The following P2RX3 variants were observed in gnomAD, a reference collection of about 807,000 sequenced individuals.
P2RX3 encodes the protein purinergic receptor P2X 3.
In P2RX3, 41 loss-of-function variants were observed where a neutral mutation model predicts 51.5. The observed-to-expected ratio is 0.80, with a 90% CI of 0.62 to 1.03. The LOEUF (loss-of-function observed/expected upper bound fraction) is 1.03. Among genes scored for constraint, P2RX3 ranks in the 50% least tolerant of loss-of-function variants. The pLI is 0.00. For synonymous variants in P2RX3, 185 were observed against 191.6 expected, an observed-to-expected ratio of 0.97 and a Z score of 0.29; for missense variants, 459 against 522.1, an observed-to-expected ratio of 0.88 and a Z score of 1.18.
intron 10 of P2RX3, 32 bp from the exon 11 acceptor site, chr11:57,369,324 GCACCC>G (rs1856845112): frequency 1.3e-6 from 2 of 1,595,654 alleles, no homozygotes; most frequent in Admixed American, 1.7e-5. Context: ...CCAACCCAGG[GCACCC>G]CTCGGAGCCC....
chr11:57,368,486 G>T (rs191093674), intron 10 of P2RX3, 49 bp downstream of exon 10: 1 of 1,597,372 alleles, frequency 6.3e-7, no homozygotes, highest in East Asian at 2.2e-5. Flanking sequence ...AGTGGGGCCC[G>T]GACTGGTACC....
In P2RX3 at chr11:57,349,261, G is replaced by A. The variant is rs1344914602; in HGVS notation, c.564-496G>A. 4.0e-5 allele frequency among the ~76,000 whole-genome samples: 6 copies of A among 148,748 alleles called. No homozygotes were observed. The South Asian group carries it at 6.4e-4, about 16-fold the overall frequency. ...GTGGATCACGAGGTCAGGAGTTTGC[G>A]ACCAGCCTGGCCAACATGGTGAAAC... On this transcript the variant is annotated intron_variant, in intron 6 of 11. Transcript: ENST00000263314.
chr11:57,350,846 C>A lies in P2RX3; in HGVS notation c.790C>A (p.Arg264=), dbSNP rs569579682. Residue 264 remains arginine (R), a synonymous_variant, in exon 8 of 12, where the codon CGG becomes AGG. Transcript: ENST00000263314. ...GTGCATCCCCAAATACTCCTTCACC[C>A]GGCTCGACAGCGTTTCTGAGAAAAG... is the stretch of plus-strand genomic sequence containing the variant. ...DQCIPKYSFT[R]LDSVSEKSSV... is the part of the protein sequence containing the mutation. The A allele has an allele frequency of 2.7e-5, 44 of 1,614,134 alleles. No homozygotes were observed. In the South Asian group the frequency reaches 4.7e-4, roughly 17 times the overall value.
At chr11:57,344,091 G>A (rs994981616) in intron 1 of P2RX3, among the ~76,000 whole-genome samples, 4 of 152,204 alleles carry the variant, frequency 2.6e-5, no homozygotes, top group Non-Finnish European at 5.9e-5. Context: ...CATAGAAGGC[G>A]GTATGCATGA....
At chr11:57,350,982 T>C (rs1235819119) in intron 8 of P2RX3, 84 bp downstream of exon 8, 99 of 1,580,680 alleles carry the variant, frequency 6.3e-5, no homozygotes, top group Non-Finnish European at 7.9e-5. Flanking sequence ...AGATCCCACA[T>C]CCATCCACCC....
chr11:57,344,359 A>G (rs1251112283), intron 1 of P2RX3, among the ~76,000 whole-genome samples: 1 of 152,250 alleles, frequency 6.6e-6, no homozygotes, highest in African/African-American at 2.4e-5. Context: ...AGGCATATCA[A>G]AACACCCACA....
intron 8 of P2RX3, among the ~76,000 whole-genome samples, chr11:57,355,307 G>T (rs2134430768): frequency 1.3e-5 from 2 of 149,310 alleles, no homozygotes; most frequent in East Asian, 4.0e-4. Context: ...TCACAGGCAA[G>T]TTCTCTTCTT....
rs777101560 is a variant in P2RX3, at chr11:57,349,791, A to C, written c.598A>C (p.Met200Leu). The C allele has an allele frequency of 1.2e-6, 2 of 1,614,210 alleles. No homozygotes were observed. Among genetic ancestry groups the C allele is most frequent in the Non-Finnish European group, 8.5e-7 (1 of 1,180,030 alleles). The change falls in exon 7 of 12, where the codon ATG becomes CTG. Residue 200 changes from methionine (M) to leucine (L), a missense_variant. Physicochemically the swap from Met to Leu is conservative, Grantham distance 15. Coordinates refer to ENST00000263314, the MANE Select transcript of P2RX3 (RefSeq NM_002559.5). ...NLLPNLTARD[M>L]KTCRFHPDKD... ...CCTTCCCAACCTGACAGCCAGGGAC[A>C]TGAAGACCTGCCGCTTCCACCCGGA...
intron 8 of P2RX3, among the ~76,000 whole-genome samples, chr11:57,355,786 C>T (rs530757196): frequency 3.3e-5 from 5 of 152,166 alleles, no homozygotes; most frequent in East Asian, 3.8e-4. Context: ...ACATCTGGGA[C>T]GGTTTAATGA....
chr11:57,346,914 A>G (rs1475364419), intron 2 of P2RX3, among the ~76,000 whole-genome samples: 1 of 152,206 alleles, frequency 6.6e-6, no homozygotes, highest in African/African-American at 2.4e-5. Flanking sequence ...AATGCAATCA[A>G]GGACAACACA....
rs777893652 is a variant in P2RX3, at chr11:57,350,858, G to A, written c.802G>A (p.Val268Ile). 6.2e-7 allele frequency: 1 copy of A among 1,614,156 alleles called. No individual in the cohort carries two copies. Among genetic ancestry groups the A allele is most frequent in the Non-Finnish European group, 8.5e-7 (1 of 1,180,026 alleles). The change falls in exon 8 of 12, where the codon GTT (valine) becomes ATT (isoleucine). Residue 268 changes from valine (V) to isoleucine (I), a missense_variant. Transcript: ENST00000263314. Reference protein sequence around the residue: ...PKYSFTRLDSVSEKSSVSPGY... With the variant: ...PKYSFTRLDSISEKSSVSPGY... ...ATACTCCTTCACCCGGCTCGACAGC[G>A]TTTCTGAGAAAAGCAGCGTGTCCCC...
At chr11:57,362,309 G>A (rs1044541043) in intron 8 of P2RX3, among the ~76,000 whole-genome samples, 10 of 152,278 alleles carry the variant, frequency 6.6e-5, no homozygotes, top group Non-Finnish European at 8.8e-5. Context: ...GGGCCAGGTC[G>A]GGAGGAGTCA....
intron 7 of P2RX3, 102 bp from the exon 8 acceptor site, chr11:57,350,660 G>A (rs546820548): frequency 6.7e-7 from 1 of 1,490,510 alleles, no homozygotes; most frequent in South Asian, 1.2e-5. Context: ...CCTGGAGGAT[G>A]GGAGGAAATC....
chr11:57,343,154 C>G (rs1856372694), intron 1 of P2RX3, among the ~76,000 whole-genome samples: 1 of 152,176 alleles, frequency 6.6e-6, no homozygotes, highest in South Asian at 2.1e-4. Flanking sequence ...TCCCGAGGCC[C>G]TGTGAGGCCA....
chr11:57,355,397 G>A (rs1443531429), intron 8 of P2RX3, among the ~76,000 whole-genome samples: 1 of 140,718 alleles, frequency 7.1e-6, no homozygotes, highest in African/African-American at 2.7e-5. Context: ...GAATGCAGTA[G>A]TGCAGTAGTC....
intron 6 of P2RX3, 116 bp from the exon 7 acceptor site, chr11:57,349,641 A>G (rs1856506381): frequency 1.5e-6 from 2 of 1,301,420 alleles, no homozygotes; most frequent in Non-Finnish European, 2.1e-6. Flanking sequence ...CGAGGTCCAG[A>G]TGAAGGCTGA....
intron 8 of P2RX3, among the ~76,000 whole-genome samples, chr11:57,366,000 T>C (rs928796123): frequency 1.3e-5 from 2 of 152,210 alleles, no homozygotes; most frequent in Admixed American, 6.5e-5. Context: ...CCTGGGAATC[T>C]GTGGGGACTG....
upstream of P2RX3, chr11:57,335,988 C>T (rs1856213266): frequency 6.6e-6 from 1 of 152,230 alleles, no homozygotes; most frequent in East Asian, 1.9e-4. This position sits in a 1 kb window ranked among gnomAD's most constrained non-coding sequence, Gnocchi z 4.6. Context: ...GGGTGGTTGC[C>T]GTGAAGCCTC....
chr11:57,344,309 A>C (rs1856394092), intron 1 of P2RX3, among the ~76,000 whole-genome samples: 1 of 152,236 alleles, frequency 6.6e-6, no homozygotes, highest in Non-Finnish European at 1.5e-5. Flanking sequence ...TGAGGTAGTA[A>C]ATATGATCAT....
Sources: allele counts gnomAD v4.1 joint callset (sites outside exome capture counted in the v4.1 genomes callset), GRCh38; gene constraint gnomAD v4.1.1; non-coding constraint Gnocchi (gnomAD v3.1); transcripts MANE v1.5; gene names NCBI Gene and HGNC (gene_info 2026-07-23, HGNC 2026-07-21).